Variants in ADAM12 observed in about 807,000 individuals in gnomAD.
The protein encoded by ADAM12 is disintegrin and metalloproteinase domain-containing protein 12.
ADAM12 carries 70 observed loss-of-function variants against 106.4 expected under a neutral mutation model. That is an observed-to-expected ratio of 0.66 (90% CI 0.54 to 0.80). The LOEUF (loss-of-function observed/expected upper bound fraction) is 0.80. ADAM12 is among the 30% of genes least tolerant of loss of function. The probability of loss-of-function intolerance (pLI) is 0.00; values close to 1 mark genes in which losing one functional copy is unlikely to be tolerated. For synonymous variants in ADAM12, 420 were observed against 433.5 expected (o/e 0.97, Z 0.39); for missense variants, 1,010 against 1,171.9 (o/e 0.86, Z 2.02).
intron 8 of ADAM12, among the ~76,000 whole-genome samples, chr10:126,101,564 A>AAC (rs1221862284): frequency 2.6e-5 from 4 of 152,222 alleles, no homozygotes; most frequent in Non-Finnish European, 4.4e-5. Flanking sequence ...GATGTGTATT[A>AAC]TAGCTAAAGA....
chr10:126,154,630 T>C (rs1261156235), intron 4 of ADAM12, among the ~76,000 whole-genome samples: 1 of 152,206 alleles, frequency 6.6e-6, no homozygotes, highest in Admixed American at 6.5e-5. Context: ...TGAATCCCCA[T>C]ATTCACATGT....
intron 2 of ADAM12, among the ~76,000 whole-genome samples, chr10:126,326,601 A>G (rs913419879): frequency 6.6e-6 from 1 of 152,044 alleles, no homozygotes; most frequent in African/African-American, 2.4e-5. Flanking sequence ...TGGATTCCCC[A>G]TGGCTCTCCT....
At position 126,107,986 on chromosome 10, in the gene ADAM12, A is replaced by G. The variant is rs531102598; in HGVS notation, c.741+607T>C. 5.9e-5 allele frequency among the ~76,000 whole-genome samples: 9 copies of G among 152,262 alleles called. No homozygotes were observed. In the South Asian group the frequency reaches 1.9e-3, roughly 32 times the overall value. The stretch of plus-strand genomic sequence containing the variant: ...TGTGAGGAGCGGTTAGTGAACAAGT[A>G]CCCCAGGAGTAGGACCTGGTTTGCA... On this transcript the variant is annotated intron_variant, in intron 8 of 22. Transcript: ENST00000448723.
intron 2 of ADAM12, among the ~76,000 whole-genome samples, chr10:126,286,742 C>T (rs1959882054): frequency 6.6e-6 from 1 of 152,230 alleles, no homozygotes; most frequent in South Asian, 2.1e-4. Context: ...AATGGGGTGT[C>T]CCTGGATTGG....
rs192262777 is a variant in ADAM12 at position 126,385,613 on chromosome 10, C to T, written c.88+2445G>A. The stretch of plus-strand genomic sequence containing the variant: ...TGAAATGCCATAAAACACTGCACGG[C>T]AAAACAGTGAAAAGTATTTGCAAAG... On this transcript the variant is annotated intron_variant, in intron 1 of 22. Coordinates refer to ENST00000448723, the MANE Select transcript of ADAM12 (RefSeq NM_001288973.2). Among the ~76,000 whole-genome samples, 534 of 151,526 alleles carry T rather than the reference C, an allele frequency of 3.5e-3. 1 individual carries two copies. The highest frequency in any genetic ancestry group is 3.4e-3 in the Non-Finnish European group (228 of 67,916).
intron 6 of ADAM12, among the ~76,000 whole-genome samples, chr10:126,113,933 C>A (rs1955932561): frequency 6.6e-6 from 1 of 151,428 alleles, no homozygotes; most frequent in South Asian, 2.1e-4. Flanking sequence ...GAGACCACAG[C>A]CAAAGTGTCC....
chr10:126,151,864 T>C (rs1769931791), intron 4 of ADAM12, among the ~76,000 whole-genome samples: 1 of 151,994 alleles, frequency 6.6e-6, no homozygotes, highest in South Asian at 2.1e-4. Flanking sequence ...AAAAAATCTC[T>C]GAATAAAAAT....
At chr10:126,342,064 TG>T (rs1421106245) in intron 1 of ADAM12, among the ~76,000 whole-genome samples, 4 of 152,208 alleles carry the variant, frequency 2.6e-5, no homozygotes, top group Admixed American at 1.3e-4. Context: ...CTATGCCCCA[TG>T]CCCGACAGCA....
At chr10:126,331,075 A>G (rs1312222222) in intron 1 of ADAM12, among the ~76,000 whole-genome samples, 1 of 152,236 alleles carries the variant, frequency 6.6e-6, no homozygotes, top group Non-Finnish European at 1.5e-5. Flanking sequence ...CAAGTCATTC[A>G]ATAAACTATT....
chr10:126,386,675 A>G (rs1856671781), intron 1 of ADAM12, among the ~76,000 whole-genome samples: 1 of 149,424 alleles, frequency 6.7e-6, no homozygotes, highest in Non-Finnish European at 1.5e-5. Flanking sequence ...ATTTTCTTCC[A>G]AAAAAAAAAT....
chr10:126,301,367 G>A (rs1210410109), intron 2 of ADAM12, among the ~76,000 whole-genome samples: 1 of 152,126 alleles, frequency 6.6e-6, no homozygotes, highest in Non-Finnish European at 1.5e-5. Flanking sequence ...ACCTTTGAAT[G>A]GAAGAAAACT....
chr10:126,279,060 C>G, intron 2 of ADAM12, 72 bp from the exon 3 acceptor site: 1 of 1,137,286 alleles, frequency 8.8e-7, no homozygotes, highest in Middle Eastern at 1.9e-4. Flanking sequence ...ATAAGACCCA[C>G]AGGCGTAGTC....
At chr10:126,349,301 C>CT (rs1855266695) in intron 1 of ADAM12, among the ~76,000 whole-genome samples, 1 of 152,236 alleles carries the variant, frequency 6.6e-6, no homozygotes, top group African/African-American at 2.4e-5. Context: ...ATGACTCCAT[C>CT]TGTCACCAAA....
intron 8 of ADAM12, among the ~76,000 whole-genome samples, chr10:126,105,618 C>T (rs1409663116): frequency 6.6e-6 from 1 of 152,208 alleles, no homozygotes; most frequent in Non-Finnish European, 1.5e-5. Flanking sequence ...ATCAGAATCC[C>T]TGGGCCAAGG....
intron 2 of ADAM12, 58 bp downstream of exon 2, chr10:126,330,354 G>A (rs748167156): frequency 2.2e-6 from 3 of 1,377,566 alleles, no homozygotes; most frequent in Non-Finnish European, 3.1e-6. Flanking sequence ...TACCAAAGCA[G>A]CTAATGTGAT....
chr10:126,121,904 A>G (rs1328454021), intron 5 of ADAM12, among the ~76,000 whole-genome samples: 2 of 152,140 alleles, frequency 1.3e-5, no homozygotes, highest in Non-Finnish European at 2.9e-5. Flanking sequence ...AATACAGACT[A>G]ATCAACTCAT....
At chr10:126,189,843 C>A (rs1957464900) in intron 3 of ADAM12, among the ~76,000 whole-genome samples, 1 of 152,116 alleles carries the variant, frequency 6.6e-6, no homozygotes, top group South Asian at 2.1e-4. Flanking sequence ...TCCTGCAGAA[C>A]CTTCCTGAAG....
chr10:126,137,703 G>A (rs910047225), intron 4 of ADAM12, among the ~76,000 whole-genome samples: 2 of 152,134 alleles, frequency 1.3e-5, no homozygotes, highest in African/African-American at 4.8e-5. Context: ...TCATACTGAG[G>A]CATGCATTAG....
chr10:126,235,928 G>A (rs1420113470), intron 3 of ADAM12, among the ~76,000 whole-genome samples: 1 of 152,078 alleles, frequency 6.6e-6, no homozygotes, highest in Non-Finnish European at 1.5e-5. Flanking sequence ...TGTACCATGG[G>A]CTGCGCAGGA....
Sources: gnomAD v4.1 joint callset for allele counts (sites outside exome capture counted in the v4.1 genomes callset) on GRCh38, gnomAD v4.1.1 for gene constraint, MANE v1.5 for transcripts, NCBI Gene and HGNC (gene_info 2026-07-23, HGNC 2026-07-21) for gene names.